The following LUZP2 variants were observed in gnomAD, a reference collection of about 807,000 sequenced individuals.
LUZP2 encodes leucine zipper protein 2.
In LUZP2, 52 loss-of-function variants were observed where a neutral mutation model predicts 51.6. The ratio of observed to expected loss-of-function variants is 1.01; its 90% CI spans 0.81 to 1.27. The LOEUF (loss-of-function observed/expected upper bound fraction) is 1.27, where lower values mean the gene tolerates loss of function less well. Ranked by LOEUF, LUZP2 falls within the 50% of genes most tolerant of loss-of-function variation. The pLI is 0.00. For synonymous variants in LUZP2, 154 were observed against 137.3 expected (o/e 1.12, Z -0.85); for missense variants, 436 against 395.4 (o/e 1.10, Z -0.87).
At chr11:24,878,624 T>A (rs117007793) in intron 5 of LUZP2, among the ~76,000 whole-genome samples, 1 of 151,738 alleles carries the variant, frequency 6.6e-6, no homozygotes, top group Non-Finnish European at 1.5e-5. Context: ...TTATCCCTTT[T>A]AGTTTTTATT....
chr11:24,969,528 A>G (rs1211507402), intron 7 of LUZP2, among the ~76,000 whole-genome samples: 6 of 152,112 alleles, frequency 3.9e-5, no homozygotes, highest in Admixed American at 6.6e-5. Flanking sequence ...AACAATGTAT[A>G]TTTGAGTTTA....
rs188857102 is a variant in LUZP2, at chr11:24,918,172, T to G, written c.522+3634T>G. ...GGTGTATAAGAATGCTTGTGATTTT[T>G]GGACATTGATTTTGCATCCTGAGAC... is the stretch of plus-strand genomic sequence containing the variant. On this transcript the variant is annotated intron_variant, in intron 7 of 11. Transcript: ENST00000336930. 3.3e-5 allele frequency among the ~76,000 whole-genome samples: 5 copies of G among 152,268 alleles called. No homozygotes were observed. The East Asian group carries it at 9.7e-4, about 29-fold the overall frequency.
intron 5 of LUZP2, among the ~76,000 whole-genome samples, chr11:24,802,651 C>T: frequency 6.6e-6 from 1 of 151,856 alleles, no homozygotes; most frequent in East Asian, 1.9e-4. Flanking sequence ...CAGTTACTCC[C>T]CATTCCCCAT....
At chr11:24,518,293 A>G (rs1850541221) in intron 1 of LUZP2, among the ~76,000 whole-genome samples, 1 of 152,198 alleles carries the variant, frequency 6.6e-6, no homozygotes, top group Non-Finnish European at 1.5e-5. Flanking sequence ...ATTTAAGCTC[A>G]GAGCTGCATG....
chr11:24,912,716 A>G (rs1435247967), intron 6 of LUZP2, among the ~76,000 whole-genome samples: 1 of 152,158 alleles, frequency 6.6e-6, no homozygotes, highest in Admixed American at 6.5e-5. Context: ...AGGCTGAGGC[A>G]GGAGAATTGC....
At chr11:24,997,397 T>G (rs1282980783) in intron 9 of LUZP2, among the ~76,000 whole-genome samples, 1 of 152,194 alleles carries the variant, frequency 6.6e-6, no homozygotes, top group African/African-American at 2.4e-5. Context: ...TCCTGTGTTT[T>G]TTGGCTGCAT....
In LUZP2 at chr11:24,611,106, G is replaced by A. The variant is rs11829017; in HGVS notation, c.62+113801G>A. 8.3e-3 allele frequency among the ~76,000 whole-genome samples: 1,248 copies of A among 150,894 alleles called. 19 individuals are homozygous for A. The highest frequency in any genetic ancestry group is 0.029 in the African/African-American group (1,178 of 41,078). ...TTGTTTTGTTTTGTTTTGGCTATCC[G>A]AAGTAACATATAAGTGACTTTTATT... On this transcript the variant is annotated intron_variant, in intron 1 of 11. Coordinates refer to ENST00000336930, the MANE Select transcript of LUZP2 (RefSeq NM_001009909.4). The surrounding 1 kb of genome is among the most constrained non-coding windows in gnomAD (Gnocchi z 4.6).
intron 1 of LUZP2, among the ~76,000 whole-genome samples, chr11:24,539,841 T>G (rs1396744109): frequency 6.6e-6 from 1 of 152,048 alleles, no homozygotes; most frequent in Non-Finnish European, 1.5e-5. Context: ...TCAGGTTCAT[T>G]CATATAAATA....
chr11:24,588,742 A>G (rs1403868597), intron 1 of LUZP2, among the ~76,000 whole-genome samples: 6 of 152,116 alleles, frequency 3.9e-5, no homozygotes, highest in African/African-American at 1.2e-4. Flanking sequence ...CTTAATAACA[A>G]TTTTACTTTT....
chr11:25,025,735 C>T (rs11028360), intron 9 of LUZP2, among the ~76,000 whole-genome samples: 86,927 of 151,978 alleles, frequency 0.57, 26,173 homozygotes, highest in African/African-American at 0.75. Flanking sequence ...GACAGTGTGG[C>T]AATTCCTCAG....
At chr11:24,741,189 A>G (rs1387728290) in intron 4 of LUZP2, among the ~76,000 whole-genome samples, 1 of 152,018 alleles carries the variant, frequency 6.6e-6, no homozygotes, top group East Asian at 1.9e-4. Flanking sequence ...TTCAATGGCT[A>G]TTCTTAAAAG....
At chr11:24,804,649 A>G (rs1175834408) in intron 5 of LUZP2, among the ~76,000 whole-genome samples, 1 of 152,108 alleles carries the variant, frequency 6.6e-6, no homozygotes, top group South Asian at 2.1e-4. Flanking sequence ...TCCTCCAGGT[A>G]TAGGAGGGCT....
rs933249424 is a variant in LUZP2, at chr11:25,080,897, T to C, written c.*2239T>C. 2.6e-5 allele frequency: 4 copies of C among 152,144 alleles called. No homozygotes were observed. The highest frequency in any genetic ancestry group is 4.8e-5 in the African/African-American group (2 of 41,426). 9.4% of individuals were successfully genotyped at this position (152,144 alleles called of 1,614,324 possible). ...GAAATTGTTATGAGAGATAACATGT[T>C]GAAAGGTAAGAACTCAGGTTGATAT... On this transcript the variant is annotated 3_prime_UTR_variant, in exon 12 of 12. Coordinates refer to ENST00000336930, the MANE Select transcript of LUZP2 (RefSeq NM_001009909.4).
intron 1 of LUZP2, among the ~76,000 whole-genome samples, chr11:24,652,351 A>G (rs558051598): frequency 6.6e-6 from 1 of 152,232 alleles, no homozygotes; most frequent in East Asian, 1.9e-4. Flanking sequence ...AATACTTATC[A>G]ATTTTAACAA....
chr11:24,950,838 G>A (rs1485606721), intron 7 of LUZP2, among the ~76,000 whole-genome samples: 2 of 151,380 alleles, frequency 1.3e-5, no homozygotes, highest in Non-Finnish European at 3.0e-5. Flanking sequence ...GAGGAATTAG[G>A]TTAATTATCT....
intron 1 of LUZP2, among the ~76,000 whole-genome samples, chr11:24,669,023 C>T (rs1023349736): frequency 6.6e-6 from 1 of 152,052 alleles, no homozygotes; most frequent in Non-Finnish European, 1.5e-5. Flanking sequence ...GTTTAAGCAC[C>T]TAGTGAAATA....
chr11:25,013,750 TATTC>T (rs1857049261), intron 9 of LUZP2, among the ~76,000 whole-genome samples: 1 of 151,494 alleles, frequency 6.6e-6, no homozygotes. Flanking sequence ...ATTTATTTAT[TATTC>T]TTTTTTTATT....
At chr11:24,896,776 C>T (rs1853075683) in intron 5 of LUZP2, among the ~76,000 whole-genome samples, 1 of 152,240 alleles carries the variant, frequency 6.6e-6, no homozygotes, top group Non-Finnish European at 1.5e-5. Flanking sequence ...TGGGTGGGAA[C>T]TTGGAGAACT....
chr11:24,562,034 C>A (rs989845607), intron 1 of LUZP2, among the ~76,000 whole-genome samples: 3 of 151,810 alleles, frequency 2.0e-5, no homozygotes, highest in African/African-American at 7.3e-5. Context: ...GTAAGTGGGA[C>A]AACGCTCAAA....
Sources: allele counts gnomAD v4.1 joint callset (sites outside exome capture counted in the v4.1 genomes callset), GRCh38; gene constraint gnomAD v4.1.1; non-coding constraint Gnocchi (gnomAD v3.1); transcripts MANE v1.5; gene names NCBI Gene and HGNC (gene_info 2026-07-23, HGNC 2026-07-21).